The following USH2A variants were observed in gnomAD, a reference collection of about 807,000 sequenced individuals.
USH2A encodes Usher syndrome 2A (autosomal recessive, mild).
USH2A carries 443 observed loss-of-function variants against 538.9 expected under a neutral mutation model. The ratio of observed to expected loss-of-function variants is 0.82; its 90% CI spans 0.76 to 0.89. USH2A has a LOEUF of 0.89. USH2A is among the 40% of genes least tolerant of loss of function. The pLI, the probability that USH2A is intolerant of heterozygous loss-of-function variation, is 0.00. For synonymous variants in USH2A, 2,413 were observed against 2,273.5 expected (o/e 1.06, Z -1.75); for missense variants, 6,633 against 6,324.8 (o/e 1.05, Z -1.65).
chr1:216,017,712 A>G (rs1668750857), intron 32 of USH2A, among the ~76,000 whole-genome samples: 1 of 152,200 alleles, frequency 6.6e-6, no homozygotes, highest in African/African-American at 2.4e-5. Context: ...AGATGCTGTT[A>G]ATTCAGTAAT....
chr1:216,105,053 G>GA (rs1484265782), intron 21 of USH2A, among the ~76,000 whole-genome samples: 1 of 152,058 alleles, frequency 6.6e-6, no homozygotes, highest in African/African-American at 2.4e-5. Context: ...ACAGACACAT[G>GA]AAAAAATGCT....
intron 22 of USH2A, among the ~76,000 whole-genome samples, chr1:216,090,563 C>T (rs532389589): frequency 2.0e-5 from 3 of 152,152 alleles, no homozygotes; most frequent in South Asian, 4.1e-4. Flanking sequence ...TTCTAGTCTT[C>T]GTATTTTTGT....
chr1:215,766,596 A>G, intron 56 of USH2A, 85 bp downstream of exon 56: 2 of 1,247,338 alleles, frequency 1.6e-6, no homozygotes, highest in Non-Finnish European at 2.4e-6. Flanking sequence ...CCTCTTCCTT[A>G]TTTGTTATGA....
intron 71 of USH2A, 71 bp from the exon 72 acceptor site, chr1:215,625,941 T>C (rs917681875): frequency 6.9e-6 from 10 of 1,444,734 alleles, no homozygotes; most frequent in East Asian, 4.6e-5. Flanking sequence ...TTTATAGTTA[T>C]ATCAATTAAG....
At chr1:215,809,297 C>T (rs1361843678) in intron 49 of USH2A, among the ~76,000 whole-genome samples, 1 of 152,120 alleles carries the variant, frequency 6.6e-6, no homozygotes, top group Non-Finnish European at 1.5e-5. Flanking sequence ...CAATGGTGAG[C>T]TTAGAGGAAA....
In USH2A at chr1:215,817,200, A is replaced by G. The variant is rs774682342; in HGVS notation, c.9372-5T>C. On this transcript the variant is annotated splice_polypyrimidine_tract_variant and splice_region_variant and intron_variant, in intron 47 of 71. Coordinates refer to ENST00000307340, the MANE Select transcript of USH2A (RefSeq NM_206933.4). ...ACCCAATCAATTTGAAGAGATCTGC[A>G]ACAGAGAGAATAATCAATACTTCTG... 3 of 1,611,324 alleles carry G rather than the reference A, an allele frequency of 1.9e-6. No homozygotes were observed. The African/African-American group carries it at 4.0e-5, about 22-fold the overall frequency.
chr1:215,862,205 T>C (rs1198594439), intron 44 of USH2A, among the ~76,000 whole-genome samples: 1 of 152,178 alleles, frequency 6.6e-6, no homozygotes, highest in Non-Finnish European at 1.5e-5. Flanking sequence ...AATTATAAAA[T>C]AACATATATT....
chr1:216,281,202 A>G (rs964724546), intron 11 of USH2A, among the ~76,000 whole-genome samples: 1 of 152,162 alleles, frequency 6.6e-6, no homozygotes. Context: ...AAGATAAACA[A>G]TGTGGGGGTT....
intron 58 of USH2A, among the ~76,000 whole-genome samples, chr1:215,750,306 T>C (rs1035913260): frequency 2.0e-5 from 3 of 152,144 alleles, no homozygotes; most frequent in Non-Finnish European, 4.4e-5. Context: ...GGTTGTATAA[T>C]AGTTATCATT....
At chr1:216,168,660 G>A (rs144372794) in intron 21 of USH2A, among the ~76,000 whole-genome samples, 36 of 152,222 alleles carry the variant, frequency 2.4e-4, no homozygotes, top group Non-Finnish European at 2.1e-4. Context: ...TTTAGAAGCC[G>A]TGCAGCCTCC....
At chr1:216,127,029 G>A (rs1015367835) in intron 21 of USH2A, among the ~76,000 whole-genome samples, 9 of 152,088 alleles carry the variant, frequency 5.9e-5, no homozygotes, top group Admixed American at 1.3e-4. Context: ...CAAAGCTTTC[G>A]GATACAACTA....
At chr1:215,814,618 T>C (rs1662806303) in intron 48 of USH2A, among the ~76,000 whole-genome samples, 1 of 152,072 alleles carries the variant, frequency 6.6e-6, no homozygotes, top group Admixed American at 6.6e-5. Context: ...CCCTTCGCTC[T>C]CTCTCCCTCC....
intron 33 of USH2A, among the ~76,000 whole-genome samples, chr1:215,999,497 G>C (rs981753521): frequency 3.3e-5 from 5 of 152,092 alleles, no homozygotes; most frequent in African/African-American, 1.2e-4. Flanking sequence ...GAAAAAATCA[G>C]GCAGGACTTC....
chr1:216,072,739 A>G lies in USH2A; in HGVS notation c.5857+150T>C, dbSNP rs759730709. 113 of 747,168 alleles carry G rather than the reference A, an allele frequency of 1.5e-4. 1 individual carries two copies. Among genetic ancestry groups the G allele is most frequent in the Non-Finnish European group, 8.5e-5 (36 of 422,752 alleles). 46.3% of individuals were successfully genotyped at this position (747,168 alleles called of 1,614,324 possible). On this transcript the variant is annotated intron_variant, in intron 29 of 71. Transcript: ENST00000307340. The stretch of plus-strand genomic sequence containing the variant: ...CACTGATCTACTAAGCATTTTAGCC[A>G]TTGACAGATGTATTTTCAAACCAAG...
At chr1:216,318,563 T>C (rs1275792205) in intron 9 of USH2A, among the ~76,000 whole-genome samples, 1 of 152,218 alleles carries the variant, frequency 6.6e-6, no homozygotes, top group East Asian at 1.9e-4. Context: ...TAACAGTCTA[T>C]TGACTTTTTC....
rs1341078203 is a variant in USH2A at position 216,190,268 on chromosome 1, C to T, written c.4351G>A (p.Gly1451Ser). The part of the protein sequence containing the change: ...EFTITLCNSV[G>S]CVTSASGAGQ... Reference sequence around the variant, plus strand: ...GCTCCCGAAGCACTGGTCACACAACCAACTGAATTGCAGAGAGTAATAGTA... The same window carrying T: ...GCTCCCGAAGCACTGGTCACACAACTAACTGAATTGCAGAGAGTAATAGTA... The change falls in exon 20 of 72, where the codon GGT (glycine) becomes AGT (serine). Residue 1451 changes from glycine (G) to serine (S), a missense_variant. Physicochemically the swap from Gly to Ser is moderately conservative, Grantham distance 56 (BLOSUM62 0). Coordinates refer to ENST00000307340, the MANE Select transcript of USH2A (RefSeq NM_206933.4). The T allele has an allele frequency of 6.2e-7, 1 of 1,612,532 alleles. No homozygotes were observed. Among genetic ancestry groups the T allele is most frequent in the East Asian group, 2.2e-5 (1 of 44,768 alleles).
chr1:216,372,342 T>A (rs768072186), intron 3 of USH2A, among the ~76,000 whole-genome samples: 10 of 152,078 alleles, frequency 6.6e-5, no homozygotes, highest in Non-Finnish European at 1.3e-4. Flanking sequence ...AACCAACATA[T>A]ACACTCACTT....
intron 55 of USH2A, among the ~76,000 whole-genome samples, chr1:215,776,955 GAC>G (rs1661484669): frequency 6.6e-6 from 1 of 152,048 alleles, no homozygotes; most frequent in Non-Finnish European, 1.5e-5. Flanking sequence ...GCTGAATGAG[GAC>G]TTATTTCTTT....
At chr1:216,037,021 A>G (rs1227291913) in intron 32 of USH2A, among the ~76,000 whole-genome samples, 3 of 152,180 alleles carry the variant, frequency 2.0e-5, no homozygotes, top group Admixed American at 2.0e-4. Context: ...AAGTGATGAT[A>G]CCAGCCACTT....
Sources: gnomAD v4.1 joint callset for allele counts (sites outside exome capture counted in the v4.1 genomes callset) on GRCh38, gnomAD v4.1.1 for gene constraint, MANE v1.5 for transcripts, NCBI Gene and HGNC (gene_info 2026-07-23, HGNC 2026-07-21) for gene names.